The following ARID4B variants were observed in gnomAD, a reference collection of about 807,000 sequenced individuals.
The protein encoded by ARID4B is AT-rich interaction domain 4B, also known as AT-rich interactive domain-containing protein 4B.
Under a neutral mutation model 147.5 loss-of-function variants are expected in ARID4B, and 26 were observed. That is an observed-to-expected ratio of 0.18 (90% CI 0.13 to 0.24). The LOEUF (loss-of-function observed/expected upper bound fraction) is 0.24, where lower values mean the gene tolerates loss of function less well. Ranked by LOEUF, ARID4B falls within the 10% of genes least tolerant of loss-of-function variation. ARID4B has a pLI of 1.00. For missense variants in ARID4B, 1,179 were observed against 1,511.5 expected, an observed-to-expected ratio of 0.78 and a Z score of 3.65; for synonymous variants, 512 against 507.9, an observed-to-expected ratio of 1.01 and a Z score of -0.11.
intron 2 of ARID4B, among the ~76,000 whole-genome samples, chr1:235,305,380 C>A (rs144111254): frequency 6.6e-6 from 1 of 152,296 alleles, no homozygotes; most frequent in Non-Finnish European, 1.5e-5. Context: ...CATAAAAACA[C>A]ACATACACTT....
intron 2 of ARID4B, among the ~76,000 whole-genome samples, chr1:235,300,555 AT>A (rs764433367): frequency 6.6e-6 from 1 of 152,198 alleles, no homozygotes; most frequent in Non-Finnish European, 1.5e-5. Flanking sequence ...TATCATGAAG[AT>A]TAAATGAGAT....
chr1:235,176,670 T>C (rs1337676744), intron 21 of ARID4B: 5 of 343,460 alleles, frequency 1.5e-5, no homozygotes, highest in African/African-American at 4.3e-5. Context: ...CCCCACTCTA[T>C]GCAGTGGACT....
chr1:235,273,632 T>C (rs1359179194), intron 2 of ARID4B, among the ~76,000 whole-genome samples: 1 of 152,220 alleles, frequency 6.6e-6, no homozygotes, highest in East Asian at 1.9e-4. Flanking sequence ...CTAAGAATTA[T>C]TTATTCTTAC....
chr1:235,211,414 C>A (rs1032221706), intron 17 of ARID4B, among the ~76,000 whole-genome samples: 3 of 152,134 alleles, frequency 2.0e-5, no homozygotes, highest in African/African-American at 7.2e-5. Context: ...CACCTAAATT[C>A]TATCCCTTTT....
intron 8 of ARID4B, among the ~76,000 whole-genome samples, chr1:235,236,833 AATATATAT>A (rs1553299956): frequency 8.9e-5 from 3 of 33,522 alleles, no homozygotes; most frequent in Non-Finnish European, 1.4e-4. Flanking sequence ...TTTTATAAAA[AATATATAT>A]ATATATATAT....
At chr1:235,296,078 G>A (rs907476023) in intron 2 of ARID4B, 9 of 168,116 alleles carry the variant, frequency 5.4e-5, no homozygotes, top group African/African-American at 9.5e-5. Context: ...TCCAGTCCAG[G>A]AGAAACCAGC....
At chr1:235,242,060 C>T (rs950412089) in intron 7 of ARID4B, among the ~76,000 whole-genome samples, 1 of 151,662 alleles carries the variant, frequency 6.6e-6, no homozygotes, top group African/African-American at 2.4e-5. Flanking sequence ...CCAGCCTGGC[C>T]AAAATGGTGA....
rs557260507 is a variant in ARID4B, at chr1:235,179,344, G to A, written c.3335-1431C>T. Among the ~76,000 whole-genome samples the A allele has an allele frequency of 3.3e-5, 5 of 151,644 alleles. No individual in the cohort carries two copies. The East Asian group carries it at 9.8e-4, about 30-fold the overall frequency. ...AGGTCAGGAGTTCGTAGACCAGCCT[G>A]GCCAACATGGCGAAACCCCATCTCT... On this transcript the variant is annotated intron_variant, in intron 20 of 23. Coordinates refer to ENST00000264183, the MANE Select transcript of ARID4B (RefSeq NM_016374.6).
intron 15 of ARID4B, among the ~76,000 whole-genome samples, 161 bp from the exon 16 acceptor site, chr1:235,220,129 A>G (rs563693257): frequency 2.6e-5 from 4 of 152,278 alleles, no homozygotes; most frequent in Non-Finnish European, 5.9e-5. Context: ...AGACAAAAAT[A>G]GCTAACAGCT....
chr1:235,192,226 C>T (rs190092365), intron 19 of ARID4B, among the ~76,000 whole-genome samples: 6 of 150,596 alleles, frequency 4.0e-5, no homozygotes, highest in African/African-American at 1.5e-4. Context: ...AGACATACTA[C>T]GAAGTAAAAT....
At chr1:235,192,377 G>A (rs1015009676) in intron 19 of ARID4B, among the ~76,000 whole-genome samples, 3 of 152,222 alleles carry the variant, frequency 2.0e-5, no homozygotes, top group African/African-American at 7.2e-5. Context: ...GATTGCTACT[G>A]TGGAGACATA....
At chr1:235,246,705 T>C (rs183170829) in intron 6 of ARID4B, among the ~76,000 whole-genome samples, 194 bp from the exon 7 acceptor site, 2 of 152,078 alleles carry the variant, frequency 1.3e-5, no homozygotes, top group East Asian at 3.9e-4. Context: ...ATGAGCTCAT[T>C]ACTGGAAAAA....
intron 19 of ARID4B, among the ~76,000 whole-genome samples, chr1:235,191,663 G>A (rs1665123503): frequency 6.6e-6 from 1 of 152,160 alleles, no homozygotes; most frequent in African/African-American, 2.4e-5. Context: ...TCTCAGAGAA[G>A]CTAAATCTGA....
At chr1:235,244,630 T>TA (rs914236313) in intron 7 of ARID4B, among the ~76,000 whole-genome samples, 3 of 152,134 alleles carry the variant, frequency 2.0e-5, no homozygotes, top group Non-Finnish European at 2.9e-5. Context: ...GATTAACTGA[T>TA]ACGTGGAATA....
chr1:235,181,901 G>A lies in ARID4B; in HGVS notation c.3018C>T (p.Asp1006=). The change falls in exon 20 of 24, where the codon GAC becomes GAT. Residue 1006 remains aspartate (D), a synonymous_variant. Transcript: ENST00000264183. ...PIEEKTVEVN[D]RKAEFPSSGS... ...CACTACTTGGAAATTCTGCTTTTCT[G>A]TCATTGACCTCTACTGTTTTTTCTT... 6.2e-7 allele frequency: 1 copy of A among 1,614,126 alleles called. No homozygotes were observed. The highest frequency in any genetic ancestry group is 8.5e-7 in the Non-Finnish European group (1 of 1,180,012).
chr1:235,246,430 A>G lies in ARID4B; in HGVS notation c.436T>C (p.Ser146Pro), dbSNP rs776889935. The G allele has an allele frequency of 1.2e-6, 2 of 1,607,206 alleles. No homozygotes were observed. The highest frequency in any genetic ancestry group is 8.5e-7 in the Non-Finnish European group (1 of 1,173,688). ...TGAAAATGGACTTACATATGATTAG[A>G]TCTTCTTCCTCTATTTGTTTTCTTT... ...IGKKTNRGRR[S>P]NHIPEEESSS... The change falls in exon 7 of 24, where the codon TCT becomes CCT. Residue 146 changes from serine to proline, a missense_variant. Transcript: ENST00000264183.
chr1:235,219,985 G>T lies in ARID4B; in HGVS notation c.1408-17C>A, dbSNP rs1489285519. On this transcript the variant is annotated splice_polypyrimidine_tract_variant and intron_variant, in intron 15 of 23. Transcript: ENST00000264183. ...TTTACTTCCCTAGAAAAAGATCAGA[G>T]GAAAGAAACCAACAAAAGTAAAAAT... 6.7e-7 allele frequency: 1 copy of T among 1,490,846 alleles called. No individual in the cohort carries two copies. Among genetic ancestry groups the T allele is most frequent in the South Asian group, 1.3e-5 (1 of 76,314 alleles). 92.4% of individuals were successfully genotyped at this position (1,490,846 alleles called of 1,614,324 possible).
At chr1:235,240,187 T>G in intron 8 of ARID4B, 126 bp downstream of exon 8, 1 of 843,880 alleles carries the variant, frequency 1.2e-6, no homozygotes, top group Non-Finnish European at 1.8e-6. Flanking sequence ...GTAAGCTTAG[T>G]GTGAACTAAA....
At position 235,232,760 on chromosome 1, in the gene ARID4B, G is replaced by GT. The variant is rs1387437156; in HGVS notation, c.666-1572dup. Among the ~76,000 whole-genome samples the GT allele has an allele frequency of 3.7e-4, 56 of 152,044 alleles. 1 individual carries two copies. Among genetic ancestry groups the GT allele is most frequent in the Admixed American group, 3.5e-3 (54 of 15,262 alleles). ...TTACCCCCCAACAATTTAATATTAA[G>GT]TCAATATTCAATTTCTGTGCTCAAA... On this transcript the variant is annotated intron_variant, in intron 9 of 23. Coordinates refer to ENST00000264183, the MANE Select transcript of ARID4B (RefSeq NM_016374.6).
Sources: allele counts gnomAD v4.1 joint callset (sites outside exome capture counted in the v4.1 genomes callset), GRCh38; gene constraint gnomAD v4.1.1; transcripts MANE v1.5; gene names NCBI Gene and HGNC (gene_info 2026-07-23, HGNC 2026-07-21).